MYT1L: variants seen among roughly 807,000 people sequenced by gnomAD.
MYT1L encodes the protein myelin transcription factor 1-like protein.
A neutral mutation model predicts 126.7 loss-of-function variants in MYT1L; 12 were observed. The ratio of observed to expected loss-of-function variants is 0.09; its 90% confidence interval spans 0.06 to 0.15. The LOEUF (loss-of-function observed/expected upper bound fraction) is 0.15. Among genes scored for constraint, MYT1L ranks in the 10% least tolerant of loss-of-function variants. MYT1L has a pLI of 1.00. For synonymous variants in MYT1L, 541 were observed against 604.2 expected, an observed-to-expected ratio of 0.90 and a Z score of 1.53; for missense variants, 979 against 1,585.2, an observed-to-expected ratio of 0.62 and a Z score of 6.49.
intron 4 of MYT1L, among the ~76,000 whole-genome samples, chr2:2,039,782 T>C (rs2067321114): frequency 6.6e-6 from 1 of 152,180 alleles, no homozygotes; most frequent in South Asian, 2.1e-4. Flanking sequence ...ATTTAAAATT[T>C]ACTCAGCGGA....
chr2:2,163,993 C>T (rs965363683), intron 3 of MYT1L, among the ~76,000 whole-genome samples: 4 of 152,012 alleles, frequency 2.6e-5, no homozygotes, highest in Non-Finnish European at 5.9e-5. Context: ...TGAAAAATGA[C>T]CTCAATATCA....
At chr2:1,850,853 G>C (rs185747466) in intron 19 of MYT1L, among the ~76,000 whole-genome samples, 2 of 152,018 alleles carry the variant, frequency 1.3e-5, no homozygotes, top group Non-Finnish European at 2.9e-5. Flanking sequence ...CTGCTCCTTG[G>C]TTGTAAATCC....
At chr2:2,174,361 T>C (rs923265220) in intron 2 of MYT1L, among the ~76,000 whole-genome samples, 3 of 152,230 alleles carry the variant, frequency 2.0e-5, no homozygotes, top group Non-Finnish European at 4.4e-5. Context: ...CAAGGAATTC[T>C]TGCAGTTTCT....
intron 2 of MYT1L, among the ~76,000 whole-genome samples, chr2:2,253,590 G>T (rs929828372): frequency 1.4e-4 from 22 of 152,210 alleles, no homozygotes; most frequent in Admixed American, 4.6e-4. Context: ...TCACGGAAGA[G>T]AAATGCACCA....
intron 3 of MYT1L, among the ~76,000 whole-genome samples, chr2:2,129,828 C>A (rs950046579): frequency 2.0e-5 from 3 of 151,744 alleles, no homozygotes; most frequent in Admixed American, 6.6e-5. Context: ...ATGGCGTGAA[C>A]CCGGGAGGCG....
Position 1,922,431 on chromosome 2 carries a change from C to T in MYT1L, c.1338G>A (p.Lys446=). The T allele has an allele frequency of 6.2e-7, 1 of 1,613,962 alleles. No homozygotes were observed. Among genetic ancestry groups the T allele is most frequent in the South Asian group, 1.1e-5 (1 of 91,074 alleles). The change falls in exon 10 of 25, where the codon AAG becomes AAA. Residue 446 remains lysine, a synonymous_variant. Coordinates refer to ENST00000647738, the MANE Select transcript of MYT1L (RefSeq NM_001303052.2). The surrounding 1 kb of genome is among the most constrained non-coding windows in gnomAD (Gnocchi z 7.4). ...CCATGGCCATCTTCTCCCTCATGGC[C>T]TTTGCTCTTTCCGTTTCCAAAGCGA... The part of the protein sequence containing the change: ...KAIALETERA[K]AMREKMAMEA...
chr2:2,182,778 C>T (rs2091678550), intron 2 of MYT1L, among the ~76,000 whole-genome samples: 1 of 152,168 alleles, frequency 6.6e-6, no homozygotes, highest in African/African-American at 2.4e-5. Context: ...CCAAACACCA[C>T]CAAAGAGCAG....
chr2:2,150,233 G>A (rs1157279804), intron 3 of MYT1L, among the ~76,000 whole-genome samples: 1 of 152,098 alleles, frequency 6.6e-6, no homozygotes, highest in Non-Finnish European at 1.5e-5. Flanking sequence ...GGCTCTCTAA[G>A]GTGAACTTGC....
At chr2:1,799,551 C>T (rs1027387531) in intron 23 of MYT1L, among the ~76,000 whole-genome samples, 1 of 152,222 alleles carries the variant, frequency 6.6e-6, no homozygotes, top group Non-Finnish European at 1.5e-5. Context: ...GAAGAACCCC[C>T]TTCCTGAATG....
intron 2 of MYT1L, among the ~76,000 whole-genome samples, chr2:2,239,094 G>T (rs143583426): frequency 0.011 from 1,631 of 152,336 alleles, 30 homozygotes; most frequent in African/African-American, 0.033. Context: ...TCTCTTACTT[G>T]ATAATGCATA....
At chr2:2,189,538 T>G (rs541218011) in intron 2 of MYT1L, among the ~76,000 whole-genome samples, 1 of 152,360 alleles carries the variant, frequency 6.6e-6, no homozygotes, top group East Asian at 1.9e-4. Context: ...ATATTATTTT[T>G]CATAAATATA....
At chr2:2,154,371 G>A (rs1357819257) in intron 3 of MYT1L, among the ~76,000 whole-genome samples, 2 of 152,162 alleles carry the variant, frequency 1.3e-5, no homozygotes, top group African/African-American at 4.8e-5. Flanking sequence ...ATAAAGAATA[G>A]ATACTAGAGT....
intron 13 of MYT1L, among the ~76,000 whole-genome samples, chr2:1,904,476 C>G (rs2050769559): frequency 6.6e-6 from 1 of 152,146 alleles, no homozygotes. Context: ...TCAAGCGATT[C>G]TCCTGCCTCA....
rs1553396976 is a variant in MYT1L, at chr2:1,811,412, A to AGCATCATCAGCTCCC, written c.3081-2260_3081-2246dup. ...CATCAGCTCTGGCGTCATCAGCTCCAGCATCATCAGCTCCCGCGTCCTATC... is the reference window on the plus strand; with the variant it reads ...CATCAGCTCTGGCGTCATCAGCTCCAGCATCATCAGCTCCCGCATCATCAGCTCCCGCGTCCTATC... On this transcript the variant is annotated intron_variant, in intron 21 of 24. Coordinates refer to ENST00000647738, the MANE Select transcript of MYT1L (RefSeq NM_001303052.2). This position sits in a 1 kb window ranked among gnomAD's most constrained non-coding sequence, Gnocchi z 4.4. The AGCATCATCAGCTCCC allele has an allele frequency of 3.8e-5, 2 of 52,068 alleles. No individual in the cohort carries two copies. Among genetic ancestry groups the AGCATCATCAGCTCCC allele is most frequent in the African/African-American group, 1.5e-4 (2 of 13,520 alleles). 3.2% of individuals were successfully genotyped at this position (52,068 alleles called of 1,614,324 possible). A position where few individuals can be genotyped will look rare whatever the true frequency, so the allele number is the denominator to read the frequency against.
intron 3 of MYT1L, among the ~76,000 whole-genome samples, chr2:2,144,627 T>C (rs1470574610): frequency 2.0e-5 from 3 of 152,222 alleles, no homozygotes; most frequent in Admixed American, 1.3e-4. Context: ...CTCCTTTGCA[T>C]CTTCCAGCCC....
chr2:2,200,855 A>G (rs538975353), intron 2 of MYT1L, among the ~76,000 whole-genome samples: 2 of 152,326 alleles, frequency 1.3e-5, no homozygotes, highest in South Asian at 4.1e-4. Flanking sequence ...ATCACCCAGC[A>G]TGGTAAGCAA....
chr2:1,946,416 G>C (rs2149282513), intron 8 of MYT1L, among the ~76,000 whole-genome samples: 1 of 152,236 alleles, frequency 6.6e-6, no homozygotes, highest in African/African-American at 2.4e-5. Context: ...ACTGGTCCCT[G>C]GTGCCAGAAA....
At chr2:2,009,568 G>T (rs1447301547) in intron 4 of MYT1L, among the ~76,000 whole-genome samples, 1 of 152,060 alleles carries the variant, frequency 6.6e-6, no homozygotes, top group East Asian at 1.9e-4. Flanking sequence ...CAACTTTGCC[G>T]AATTCATTCA....
chr2:2,254,926 G>C (rs17039470), intron 2 of MYT1L, among the ~76,000 whole-genome samples: 2,452 of 151,806 alleles, frequency 0.016, 63 homozygotes, highest in African/African-American at 0.057. Flanking sequence ...ATTTTTTCTC[G>C]ACTTCTATAA....
Sources: allele counts gnomAD v4.1 joint callset (sites outside exome capture counted in the v4.1 genomes callset), GRCh38; gene constraint gnomAD v4.1.1; non-coding constraint Gnocchi (gnomAD v3.1); transcripts MANE v1.5; gene names NCBI Gene and HGNC (gene_info 2026-07-23, HGNC 2026-07-21).